SLC4A8: variants seen among roughly 807,000 people sequenced by gnomAD.
The protein encoded by SLC4A8 is electroneutral sodium bicarbonate exchanger 1.
In SLC4A8, 40 loss-of-function variants were observed where a neutral mutation model predicts 125.0. The ratio of observed to expected loss-of-function variants is 0.32; its 90% CI spans 0.25 to 0.42. The LOEUF is 0.42. SLC4A8 is among the 10% of genes least tolerant of loss of function. SLC4A8 has a pLI of 1.00. For synonymous variants in SLC4A8, 456 were observed against 476.0 expected (o/e 0.96, Z 0.55); for missense variants, 863 against 1,355.1 (o/e 0.64, Z 5.70).
intron 1 of SLC4A8, among the ~76,000 whole-genome samples, chr12:51,414,818 T>G (rs778403225): frequency 1.3e-5 from 2 of 152,236 alleles, no homozygotes; most frequent in Non-Finnish European, 2.9e-5. Context: ...GGGCCTTTAT[T>G]ATATGGAGGT....
chr12:51,429,426 C>T (rs1251617777), intron 1 of SLC4A8, among the ~76,000 whole-genome samples: 1 of 152,114 alleles, frequency 6.6e-6, no homozygotes, highest in African/African-American at 2.4e-5. Flanking sequence ...GCTAGGAGGC[C>T]ATTGGTATAA....
At chr12:51,395,590 G>T (rs1027979236) in intron 1 of SLC4A8, among the ~76,000 whole-genome samples, 6 of 152,100 alleles carry the variant, frequency 3.9e-5, no homozygotes, top group Non-Finnish European at 7.3e-5. Context: ...ACCTCTGGTG[G>T]GGCAGAGTGA....
intron 14 of SLC4A8, among the ~76,000 whole-genome samples, chr12:51,472,772 AT>A (rs11393116): frequency 4.6e-5 from 7 of 151,544 alleles, no homozygotes; most frequent in Non-Finnish European, 7.4e-5. Context: ...TCAAGATGAT[AT>A]TTTTTTTTAG....
At chr12:51,428,056 T>C (rs1374376645) in intron 1 of SLC4A8, among the ~76,000 whole-genome samples, 6 of 152,142 alleles carry the variant, frequency 3.9e-5, no homozygotes, top group Admixed American at 3.9e-4. Flanking sequence ...CCTCTGGCTT[T>C]CTGTTTCTTC....
Position 51,507,407 on chromosome 12 carries a change from T to C in SLC4A8, c.3270-19T>C, listed in dbSNP as rs372400893. 1.2e-5 allele frequency: 16 copies of C among 1,374,382 alleles called. No homozygotes were observed. The highest frequency in any genetic ancestry group is 1.4e-5 in the Non-Finnish European group (15 of 1,052,732). 85.1% of individuals were successfully genotyped at this position (1,374,382 alleles called of 1,614,324 possible). A position where few individuals can be genotyped will look rare whatever the true frequency, so the allele number is the denominator to read the frequency against. The stretch of plus-strand genomic sequence containing the variant: ...AATCATATGTTCCCTTTTTGTCTAA[T>C]TGTAACACTTTTATTCAGTCTCTTC... On this transcript the variant is annotated intron_variant, in intron 24 of 24. Coordinates refer to ENST00000453097, the MANE Select transcript of SLC4A8 (RefSeq NM_001039960.3).
At chr12:51,442,007 AAT>A (rs149085835) in intron 2 of SLC4A8, among the ~76,000 whole-genome samples, 36 of 152,276 alleles carry the variant, frequency 2.4e-4, no homozygotes, top group African/African-American at 8.7e-4. Flanking sequence ...ACATTTGTTG[AAT>A]GCCCCTTGTG....
intron 18 of SLC4A8, 36 bp from the exon 19 acceptor site, chr12:51,489,664 C>G (rs1461322919): frequency 6.2e-7 from 1 of 1,612,182 alleles, no homozygotes; most frequent in Non-Finnish European, 8.5e-7. Flanking sequence ...CTACAGCTAG[C>G]CTACTGATGG....
chr12:51,479,815 T>C (rs1028767703), intron 16 of SLC4A8, among the ~76,000 whole-genome samples: 1 of 152,096 alleles, frequency 6.6e-6, no homozygotes, highest in Non-Finnish European at 1.5e-5. Flanking sequence ...TTTAAGATTA[T>C]AGGCTATATG....
intron 1 of SLC4A8, among the ~76,000 whole-genome samples, chr12:51,434,764 T>G (rs1235804090): frequency 3.9e-5 from 6 of 152,202 alleles, no homozygotes; most frequent in African/African-American, 1.4e-4. Flanking sequence ...GTACCAAGTA[T>G]TATAATTAAT....
chr12:51,407,732 G>C (rs1394591916), intron 1 of SLC4A8: 1 of 152,242 alleles, frequency 6.6e-6, no homozygotes, highest in Non-Finnish European at 1.5e-5. Context: ...CTTCCACTGG[G>C]TGCTCAGCTG....
chr12:51,447,572 A>G lies in SLC4A8; in HGVS notation c.131-3304A>G, dbSNP rs182646759. ...CTGGTAGAGAAAAGAGTATGAGGTG[A>G]TGGTGGGTACAGCAGTCAAGGCCAT... On this transcript the variant is annotated intron_variant, in intron 2 of 24. Transcript: ENST00000453097. Among the ~76,000 whole-genome samples the G allele has an allele frequency of 1.3e-4, 20 of 152,256 alleles. No homozygotes were observed. In the East Asian group the frequency reaches 3.5e-3, roughly 26 times the overall value.
At position 51,450,993 on chromosome 12, in the gene SLC4A8, G is replaced by C. The variant is rs1265788821; in HGVS notation, c.248G>C (p.Gly83Ala). 2 of 1,557,868 alleles carry C rather than the reference G, an allele frequency of 1.3e-6. No homozygotes were observed. Among genetic ancestry groups the C allele is most frequent in the Non-Finnish European group, 1.7e-6 (2 of 1,149,534 alleles). The change falls in exon 3 of 25, where the codon GGG (glycine) becomes GCG (alanine). Residue 83 changes from glycine (G) to alanine (A), a missense_variant. By Grantham distance (60) the Gly-to-Ala change is moderately conservative. Transcript: ENST00000453097. ...RRGRGKGASQ[G>A]EEGLEALAHD... ...GGGCGGGGCAAAGGAGCCAGCCAGG[G>C]GGAGGAAGGCCTGGAAGCCCTGGCC... is the stretch of plus-strand genomic sequence containing the variant.
Position 51,493,695 on chromosome 12 carries a change from T to C in SLC4A8, c.2701-9T>C, listed in dbSNP as rs747014487. On this transcript the variant is annotated splice_polypyrimidine_tract_variant and intron_variant, in intron 19 of 24. Coordinates refer to ENST00000453097, the MANE Select transcript of SLC4A8 (RefSeq NM_001039960.3). ...TAATTTCTGGCCTTTCTTGTCCTTTTGTCTTCAGTTTATTCCAATGCCAGT... is the reference window on the plus strand; with the variant it reads ...TAATTTCTGGCCTTTCTTGTCCTTTCGTCTTCAGTTTATTCCAATGCCAGT... 72 of 1,592,392 alleles carry C rather than the reference T, an allele frequency of 4.5e-5. 1 individual carries two copies. The Middle Eastern group carries it at 1.7e-3, about 37-fold the overall frequency.
intron 1 of SLC4A8, among the ~76,000 whole-genome samples, chr12:51,406,358 T>C (rs914186389): frequency 2.0e-5 from 3 of 152,168 alleles, no homozygotes; most frequent in African/African-American, 7.2e-5. Context: ...TAAAGCATTA[T>C]TGATGTGGGG....
At chr12:51,473,593 A>T (rs899411580) in intron 14 of SLC4A8, among the ~76,000 whole-genome samples, 1 of 152,222 alleles carries the variant, frequency 6.6e-6, no homozygotes, top group African/African-American at 2.4e-5. Context: ...TATTAAATTC[A>T]CAGACCATAC....
At position 51,457,306 on chromosome 12, in the gene SLC4A8, C is replaced by A. The variant is rs762200029; in HGVS notation, c.575-45C>A. On this transcript the variant is annotated intron_variant, in intron 5 of 24. Transcript: ENST00000453097. ...CACCTGATGTTGGCCTTCTTGGGTT[C>A]ATTAACCCTCAATCTGAGTGTTCAT... is the stretch of plus-strand genomic sequence containing the variant. The A allele has an allele frequency of 3.2e-6, 5 of 1,570,570 alleles. No homozygotes were observed. The South Asian group carries it at 5.8e-5, about 18-fold the overall frequency.
intron 1 of SLC4A8, among the ~76,000 whole-genome samples, chr12:51,428,426 C>A (rs1434505131): frequency 6.6e-6 from 1 of 152,194 alleles, no homozygotes; most frequent in African/African-American, 2.4e-5. Flanking sequence ...AGCCAGATGC[C>A]TCCCCTTAAG....
chr12:51,466,931 T>C (rs1950535691), intron 11 of SLC4A8, among the ~76,000 whole-genome samples: 1 of 139,488 alleles, frequency 7.2e-6, no homozygotes, highest in Admixed American at 7.6e-5. Flanking sequence ...GCATCTCAGG[T>C]AGCCTCAGAG....
intron 1 of SLC4A8, among the ~76,000 whole-genome samples, chr12:51,401,816 C>T (rs994765367): frequency 7.2e-5 from 11 of 152,264 alleles, no homozygotes; most frequent in Admixed American, 5.9e-4. Flanking sequence ...ACTTCCCTGC[C>T]CCACTCCCAT....
Sources: allele counts gnomAD v4.1 joint callset (sites outside exome capture counted in the v4.1 genomes callset), GRCh38; gene constraint gnomAD v4.1.1; transcripts MANE v1.5; gene names NCBI Gene and HGNC (gene_info 2026-07-23, HGNC 2026-07-21).